EFNA2: variants seen among roughly 807,000 people sequenced by gnomAD.
EFNA2 encodes ephrin A2.
A neutral mutation model predicts 19.7 loss-of-function variants in EFNA2; 18 were observed. The observed-to-expected ratio is 0.91, with a 90% CI of 0.63 to 1.35. The LOEUF is 1.35. EFNA2 is among the 40% of genes most tolerant of loss of function. The probability of loss-of-function intolerance (pLI) is 0.00; values close to 1 mark genes in which losing one functional copy is unlikely to be tolerated. For missense variants in EFNA2, 303 were observed against 296.0 expected (o/e 1.02, Z -0.17); for synonymous variants, 187 against 137.8 (o/e 1.36, Z -2.50).
Position 1,287,437 on chromosome 19 carries a change from G to C in EFNA2, c.140+1129G>C, listed in dbSNP as rs1335082082. Among the ~76,000 whole-genome samples the C allele has an allele frequency of 6.6e-6, 1 of 152,112 alleles. No homozygotes were observed. On this transcript the variant is annotated intron_variant, in intron 1 of 3. Coordinates refer to ENST00000215368, the MANE Select transcript of EFNA2 (RefSeq NM_001405.4). The surrounding 1 kb of genome is among the most constrained non-coding windows in gnomAD (Gnocchi z 6.2). ...TCTCTCCGTTTTCCAGCCGCTTCCT[G>C]TGCCGACCGAGCCGCCCTCTGGAGC...
intron 1 of EFNA2, among the ~76,000 whole-genome samples, chr19:1,292,077 A>C (rs547487809): frequency 6.6e-6 from 1 of 152,346 alleles, no homozygotes; most frequent in Non-Finnish European, 1.5e-5. Context: ...GAGGATTTGC[A>C]TATCGAGGCT....
rs2144620713 is a variant in EFNA2 at position 1,295,267 on chromosome 19, C to T, written c.141-278C>T. On this transcript the variant is annotated intron_variant, in intron 1 of 3. Transcript: ENST00000215368. The surrounding 1 kb of genome is among the most constrained non-coding windows in gnomAD (Gnocchi z 5.8). ...CTTCCCCGTGCACCTGTCCCCTGAC[C>T]CGTCCCTCCCCGCTCACCCTGTCCC... is the stretch of plus-strand genomic sequence containing the variant. Among the ~76,000 whole-genome samples, 1 of 152,172 alleles carries T rather than the reference C, an allele frequency of 6.6e-6. No homozygotes were observed. The highest frequency in any genetic ancestry group is 2.1e-4 in the South Asian group (1 of 4,822).
rs2081518974 is a variant in EFNA2, at chr19:1,297,021, C to A, written c.454+1163C>A. On this transcript the variant is annotated intron_variant, in intron 2 of 3. Transcript: ENST00000215368. This position sits in a 1 kb window ranked among gnomAD's most constrained non-coding sequence, Gnocchi z 5.0. ...CCTGCTTGGCCATGATATCTGTGAC[C>A]TTGGCGGGGGAATGAGGGGCCAGGC... is the stretch of plus-strand genomic sequence containing the variant. Among the ~76,000 whole-genome samples, 1 of 152,228 alleles carries A rather than the reference C, an allele frequency of 6.6e-6. No individual in the cohort carries two copies. The highest frequency in any genetic ancestry group is 6.5e-5 in the Admixed American group (1 of 15,286).
upstream of EFNA2, among the ~76,000 whole-genome samples, chr19:1,284,884 C>T (rs191546858): frequency 2.0e-5 from 3 of 152,348 alleles, no homozygotes; most frequent in East Asian, 1.9e-4. The surrounding 1 kb of genome is among the most constrained non-coding windows in gnomAD (Gnocchi z 5.3). Flanking sequence ...GTCCAGCCAG[C>T]GTTTGATGAC....
chr19:1,300,712 T>A lies in EFNA2; in HGVS notation c.*767T>A, dbSNP rs535909284. Among the ~76,000 whole-genome samples, 1 of 152,050 alleles carries A rather than the reference T, an allele frequency of 6.6e-6. No individual in the cohort carries two copies. The highest frequency in any genetic ancestry group is 1.5e-5 in the Non-Finnish European group (1 of 67,980). On this transcript the variant is annotated 3_prime_UTR_variant, in exon 4 of 4. Coordinates refer to ENST00000215368, the MANE Select transcript of EFNA2 (RefSeq NM_001405.4). ...GCCCACCCCCGTCCTCCTGGTCATTTCCTCCCAGACACTGTTTTGCCCCAG... is the reference window on the plus strand; with the variant it reads ...GCCCACCCCCGTCCTCCTGGTCATTACCTCCCAGACACTGTTTTGCCCCAG...
chr19:1,284,920 C>T (rs1448110848), upstream of EFNA2, among the ~76,000 whole-genome samples: 4 of 152,210 alleles, frequency 2.6e-5, no homozygotes, highest in East Asian at 7.7e-4. The surrounding 1 kb of genome is among the most constrained non-coding windows in gnomAD (Gnocchi z 5.3). Context: ...AGCTCAGAGT[C>T]TGGTGAGGGA....
chr19:1,300,486 G>A lies in EFNA2; in HGVS notation c.*541G>A, dbSNP rs2081537509. On this transcript the variant is annotated 3_prime_UTR_variant, in exon 4 of 4. Transcript: ENST00000215368. ...TCTGCTCTGCACCCCACTCGTGGGG[G>A]AACACAGCCGCTCCCCTCTGCTCTG... Among the ~76,000 whole-genome samples, 1 of 149,338 alleles carries A rather than the reference G, an allele frequency of 6.7e-6. No individual in the cohort carries two copies. Among genetic ancestry groups the A allele is most frequent in the Non-Finnish European group, 1.5e-5 (1 of 66,396 alleles).
Position 1,300,806 on chromosome 19 carries a change from C to G in EFNA2, c.*861C>G, listed in dbSNP as rs558566767. 2.0e-5 allele frequency among the ~76,000 whole-genome samples: 3 copies of G among 152,338 alleles called. No homozygotes were observed. The highest frequency in any genetic ancestry group is 2.0e-4 in the Admixed American group (3 of 15,300). On this transcript the variant is annotated 3_prime_UTR_variant, in exon 4 of 4. Transcript: ENST00000215368. ...TGGCCGATGCAAACAGCCCCCTACC[C>G]GTCCCCCTCGCCTCACACGGTCCCT... is the stretch of plus-strand genomic sequence containing the variant.
rs748869805 is a variant in EFNA2, at chr19:1,298,635, G to A, written c.520+19G>A. On this transcript the variant is annotated intron_variant, in intron 3 of 3. Transcript: ENST00000215368. The stretch of plus-strand genomic sequence containing the variant: ...CCGACCAGTAAGTGCTCAGGGGGAT[G>A]GGCAGGATCCAGGCCCCCACCCCTG... 28 of 1,613,060 alleles carry A rather than the reference G, an allele frequency of 1.7e-5. No homozygotes were observed. Among genetic ancestry groups the A allele is most frequent in the Admixed American group, 1.0e-4 (6 of 59,940 alleles).
intron 1 of EFNA2, among the ~76,000 whole-genome samples, chr19:1,293,909 C>CG (rs2081502727): frequency 6.6e-6 from 1 of 152,228 alleles, no homozygotes; most frequent in Non-Finnish European, 1.5e-5. Context: ...CTCAGGGTGG[C>CG]GGGGGGCCGG....
rs1451122818 is a variant in EFNA2, at chr19:1,296,890, G to A, written c.454+1032G>A. Among the ~76,000 whole-genome samples the A allele has an allele frequency of 6.6e-6, 1 of 152,212 alleles. No homozygotes were observed. Among genetic ancestry groups the A allele is most frequent in the Admixed American group, 6.5e-5 (1 of 15,290 alleles). On this transcript the variant is annotated intron_variant, in intron 2 of 3. Transcript: ENST00000215368. The surrounding 1 kb of genome is among the most constrained non-coding windows in gnomAD (Gnocchi z 4.4). Reference sequence around the variant, plus strand: ...AGGCTGGGTGGGCCAGGCTGAGGGAGGCTGCCAGTCCCTGCTGCTTATCGG... The same window carrying A: ...AGGCTGGGTGGGCCAGGCTGAGGGAAGCTGCCAGTCCCTGCTGCTTATCGG...
chr19:1,298,687 T>C lies in EFNA2; in HGVS notation c.520+71T>C, dbSNP rs994569613. On this transcript the variant is annotated intron_variant, in intron 3 of 3. Transcript: ENST00000215368. The stretch of plus-strand genomic sequence containing the variant: ...GTCCTAAACCCACAGAACCAGTGAG[T>C]GTTCAGAAGAGCCAGGACAGGGGGC... 6 of 1,557,242 alleles carry C rather than the reference T, an allele frequency of 3.9e-6. No individual in the cohort carries two copies. The African/African-American group carries it at 8.1e-5, about 21-fold the overall frequency.
intron 1 of EFNA2, among the ~76,000 whole-genome samples, chr19:1,288,314 G>A (rs2081475507): frequency 6.6e-6 from 1 of 152,224 alleles, no homozygotes; most frequent in Non-Finnish European, 1.5e-5. Context: ...GTGCCTGAGT[G>A]GCGGGGGTGT....
rs1480927319 is a variant in EFNA2, at chr19:1,296,922, G to A, written c.454+1064G>A. ...AGTCCCTGCTGCTTATCGGAGGTCCGAAGCTGGCCTTTTTGTCCCTACGAA... is the reference window on the plus strand; with the variant it reads ...AGTCCCTGCTGCTTATCGGAGGTCCAAAGCTGGCCTTTTTGTCCCTACGAA... On this transcript the variant is annotated intron_variant, in intron 2 of 3. Coordinates refer to ENST00000215368, the MANE Select transcript of EFNA2 (RefSeq NM_001405.4). The surrounding 1 kb of genome is among the most constrained non-coding windows in gnomAD (Gnocchi z 4.4). 2.0e-5 allele frequency among the ~76,000 whole-genome samples: 3 copies of A among 152,344 alleles called. No homozygotes were observed. The highest frequency in any genetic ancestry group is 2.1e-4 in the South Asian group (1 of 4,828).
rs560464696 is a variant in EFNA2 at position 1,297,658 on chromosome 19, G to A, written c.455-893G>A. On this transcript the variant is annotated intron_variant, in intron 2 of 3. Coordinates refer to ENST00000215368, the MANE Select transcript of EFNA2 (RefSeq NM_001405.4). This position sits in a 1 kb window ranked among gnomAD's most constrained non-coding sequence, Gnocchi z 5.0. ...CACCCCAGCGGCCCCGGCTTCAGGC[G>A]TCCTTTTCCTCCTCTCTTGATCCTT... 1.9e-3 allele frequency among the ~76,000 whole-genome samples: 286 copies of A among 152,232 alleles called. 1 individual carries two copies. The highest frequency in any genetic ancestry group is 1.9e-3 in the Non-Finnish European group (129 of 68,014).
intron 1 of EFNA2, among the ~76,000 whole-genome samples, chr19:1,289,218 G>C (rs1256640112): frequency 1.3e-5 from 2 of 152,274 alleles, no homozygotes; most frequent in African/African-American, 4.8e-5. Flanking sequence ...GTGTGCATGA[G>C]TGTGTCTGTG....
At position 1,286,598 on chromosome 19, in the gene EFNA2, C is replaced by T. The variant is rs1315544425; in HGVS notation, c.140+290C>T. 2.0e-5 allele frequency among the ~76,000 whole-genome samples: 3 copies of T among 152,158 alleles called. No individual in the cohort carries two copies. Among genetic ancestry groups the T allele is most frequent in the African/African-American group, 7.2e-5 (3 of 41,452 alleles). Reference sequence around the variant, plus strand: ...ACGTCTCCTGGAGTTTGGGGAACCCCTCTGGTACCCTCCGATGCCGGGTAG... The same window carrying T: ...ACGTCTCCTGGAGTTTGGGGAACCCTTCTGGTACCCTCCGATGCCGGGTAG... On this transcript the variant is annotated intron_variant, in intron 1 of 3. Transcript: ENST00000215368. The surrounding 1 kb of genome is among the most constrained non-coding windows in gnomAD (Gnocchi z 5.6).
At position 1,299,900 on chromosome 19, in the gene EFNA2, C is replaced by A. The variant is rs1489578483; in HGVS notation, c.597C>A (p.Leu199=). 6.2e-7 allele frequency: 1 copy of A among 1,605,574 alleles called. No homozygotes were observed. Among genetic ancestry groups the A allele is most frequent in the South Asian group, 1.1e-5 (1 of 90,590 alleles). ...GTAGCAGCCCGGGCGGCTGCCGCCT[C>A]TTCCTCAGCACCATCCCCGTGCTCT... is the stretch of plus-strand genomic sequence containing the variant. The part of the protein sequence containing the change: ...NSCSSPGGCR[L]FLSTIPVLWT... The change falls in exon 4 of 4, where the codon CTC becomes CTA. Residue 199 remains leucine, a synonymous_variant. Coordinates refer to ENST00000215368, the MANE Select transcript of EFNA2 (RefSeq NM_001405.4).
chr19:1,298,072 CAAAAAAAAAAAAAAAAAAA>C (rs58897953), intron 2 of EFNA2, among the ~76,000 whole-genome samples: 1 of 49,846 alleles, frequency 2.0e-5, no homozygotes, highest in South Asian at 9.7e-4. Flanking sequence ...AGCTCCATCA[CAAAAAAAAAAAAAAAAAAA>C]AAAAAAAAGA....
Sources: allele counts gnomAD v4.1 joint callset (sites outside exome capture counted in the v4.1 genomes callset), GRCh38; gene constraint gnomAD v4.1.1; non-coding constraint Gnocchi (gnomAD v3.1); transcripts MANE v1.5; gene names NCBI Gene and HGNC (gene_info 2026-07-23, HGNC 2026-07-21).